HPGD: variants seen among roughly 807,000 people sequenced by gnomAD.
HPGD encodes 15-hydroxyprostaglandin dehydrogenase, also known as 15-hydroxyprostaglandin dehydrogenase [NAD(+)].
A neutral mutation model predicts 30.0 loss-of-function variants in HPGD; 29 were observed. The observed-to-expected ratio is 0.97, with a 90% CI of 0.72 to 1.32. HPGD has a LOEUF of 1.32. Ranked by LOEUF, HPGD falls within the 40% of genes most tolerant of loss-of-function variation. The pLI is 0.00. For synonymous variants in HPGD, 99 were observed against 112.4 expected, an observed-to-expected ratio of 0.88 and a Z score of 0.75; for missense variants, 340 against 322.1, an observed-to-expected ratio of 1.06 and a Z score of -0.43.
intron 3 of HPGD, among the ~76,000 whole-genome samples, chr4:174,514,812 G>A (rs1735688243): frequency 1.3e-5 from 2 of 152,082 alleles, no homozygotes; most frequent in Non-Finnish European, 2.9e-5. Flanking sequence ...AACAATTTAA[G>A]TTACGTTTCA....
intron 4 of HPGD, among the ~76,000 whole-genome samples, chr4:174,503,743 G>T (rs555209154): frequency 1.3e-5 from 2 of 149,968 alleles, no homozygotes; most frequent in South Asian, 4.2e-4. Context: ...TCTTTTGAGA[G>T]ACAAGGTCTC....
chr4:174,497,564 C>CTTTTTTTTTTTTTTTTT (rs1560976871), intron 4 of HPGD, among the ~76,000 whole-genome samples: 2 of 14,226 alleles, frequency 1.4e-4, no homozygotes, highest in Admixed American at 1.4e-3. Context: ...CTTTCTTTTT[C>CTTTTTTTTTTTTTTTTT]TTTCTTTTTT....
intron 3 of HPGD, among the ~76,000 whole-genome samples, chr4:174,516,788 G>T (rs559930866): frequency 6.6e-6 from 1 of 152,272 alleles, no homozygotes; most frequent in Non-Finnish European, 1.5e-5. Flanking sequence ...GTGAAGAAGT[G>T]TCATCCTCAT....
intron 2 of HPGD, among the ~76,000 whole-genome samples, chr4:174,521,473 C>A (rs934193045): frequency 6.6e-6 from 1 of 152,166 alleles, no homozygotes; most frequent in African/African-American, 2.4e-5. Context: ...TGGTCAAAAG[C>A]ATCTAGCACT....
intron 4 of HPGD, chr4:174,507,480 G>A (rs1041215003): frequency 6.6e-6 from 1 of 152,180 alleles, no homozygotes; most frequent in Non-Finnish European, 1.5e-5. Context: ...ATCAGACAGA[G>A]GTTCAATCAC....
chr4:174,506,858 A>G (rs1330413570), intron 4 of HPGD: 2 of 152,226 alleles, frequency 1.3e-5, no homozygotes, highest in East Asian at 3.8e-4. Flanking sequence ...TCAGCCTTCC[A>G]AAGAATGAAA....
chr4:174,508,462 T>G (rs968927839), intron 4 of HPGD, among the ~76,000 whole-genome samples: 15 of 152,222 alleles, frequency 9.9e-5, no homozygotes, highest in African/African-American at 3.6e-4. Flanking sequence ...TTATATATAT[T>G]TTTTCAAATA....
chr4:174,510,232 GA>G (rs1735415605), intron 3 of HPGD, among the ~76,000 whole-genome samples: 1 of 152,020 alleles, frequency 6.6e-6, no homozygotes, highest in South Asian at 2.1e-4. Flanking sequence ...AACAAAAAAG[GA>G]AATTGGAGGT....
intron 3 of HPGD, among the ~76,000 whole-genome samples, chr4:174,517,054 A>C (rs1256237761): frequency 1.3e-5 from 2 of 152,170 alleles, no homozygotes; most frequent in African/African-American, 2.4e-5. Context: ...CCTGCCTTGT[A>C]AGATTGGTGA....
At chr4:174,501,894 C>G (rs1734919251) in intron 4 of HPGD, among the ~76,000 whole-genome samples, 1 of 152,070 alleles carries the variant, frequency 6.6e-6, no homozygotes, top group African/African-American at 2.4e-5. Flanking sequence ...GGTAAAAAAG[C>G]TCAAAAAGAT....
intron 4 of HPGD, among the ~76,000 whole-genome samples, chr4:174,501,155 G>A (rs1022843902): frequency 2.6e-5 from 4 of 152,152 alleles, no homozygotes; most frequent in Non-Finnish European, 5.9e-5. Flanking sequence ...AAACCAATGG[G>A]AGGACCCCTG....
chr4:174,507,860 T>C lies in HPGD; in HGVS notation c.421+836A>G, dbSNP rs547478378. The C allele has an allele frequency of 1.9e-4, 86 of 451,686 alleles. 2 individuals are homozygous for C. The East Asian group carries it at 1.9e-3, about 10-fold the overall frequency. The allele number at this position is 451,686 out of a possible 1,614,324, so 28.0% of individuals were successfully genotyped here. On this transcript the variant is annotated intron_variant, in intron 4 of 6. Transcript: ENST00000296522. ...ACTCTGAAAATACTATAGTTTAGGA[T>C]TGCATGCTGTGGAAAAGATGATTAG...
chr4:174,503,757 A>G (rs1735037941), intron 4 of HPGD, among the ~76,000 whole-genome samples: 1 of 149,854 alleles, frequency 6.7e-6, no homozygotes, highest in Non-Finnish European at 1.5e-5. Flanking sequence ...AGGTCTCACT[A>G]TATTGCCCAG....
rs1485389157 is a variant in HPGD at position 174,518,053 on chromosome 4, T to C, written c.242A>G (p.His81Arg). Residue 81 changes from histidine to arginine, a missense_variant, in exon 3 of 7, where the codon CAC becomes CGC. Transcript: ENST00000296522. ...LRDTFRKVVD[H>R]FGRLDILVNN... ...GACCAAAATGTCCAGTCTTCCAAAG[T>C]GGTCTACAACTTTTCTAAAAGTGTC... is the stretch of plus-strand genomic sequence containing the variant. The C allele has an allele frequency of 1.3e-6, 2 of 1,594,216 alleles. No homozygotes were observed. Among genetic ancestry groups the C allele is most frequent in the Non-Finnish European group, 1.7e-6 (2 of 1,162,164 alleles).
chr4:174,519,599 G>A (rs1042063494), intron 2 of HPGD, among the ~76,000 whole-genome samples: 3 of 152,018 alleles, frequency 2.0e-5, no homozygotes, highest in African/African-American at 4.8e-5. Context: ...GAAAATGGCC[G>A]GTCCTTGCCT....
intron 3 of HPGD, among the ~76,000 whole-genome samples, chr4:174,511,854 G>A (rs1288739506): frequency 6.6e-6 from 1 of 152,122 alleles, no homozygotes; most frequent in Non-Finnish European, 1.5e-5. Context: ...CATCGTGTTA[G>A]CCAGGATGGT....
chr4:174,518,932 T>G (rs1365324523), intron 2 of HPGD, among the ~76,000 whole-genome samples: 1 of 152,192 alleles, frequency 6.6e-6, no homozygotes, highest in Non-Finnish European at 1.5e-5. Flanking sequence ...AAATTGTGGT[T>G]GTTTTTCTAC....
At chr4:174,508,857 C>CA in intron 3 of HPGD, 65 bp from the exon 4 acceptor site, 2 of 892,014 alleles carry the variant, frequency 2.2e-6, no homozygotes, top group South Asian at 2.6e-5. Context: ...TTTCACACAC[C>CA]AAAGTTTTTA....
chr4:174,512,665 G>A (rs1195779831), intron 3 of HPGD, among the ~76,000 whole-genome samples: 3 of 152,166 alleles, frequency 2.0e-5, no homozygotes, highest in African/African-American at 7.2e-5. Context: ...AACGGGTTTA[G>A]GTAGGAGGGG....
Sources: allele counts gnomAD v4.1 joint callset (sites outside exome capture counted in the v4.1 genomes callset), GRCh38; gene constraint gnomAD v4.1.1; transcripts MANE v1.5; gene names NCBI Gene and HGNC (gene_info 2026-07-23, HGNC 2026-07-21).